The following CATSPERB variants were observed in gnomAD, a reference collection of about 807,000 sequenced individuals.
CATSPERB encodes the protein cation channel sperm-associated auxiliary subunit beta.
In CATSPERB, 93 loss-of-function variants were observed where a neutral mutation model predicts 128.3. That is an observed-to-expected ratio of 0.72 (90% CI 0.61 to 0.86). The LOEUF (loss-of-function observed/expected upper bound fraction) is 0.86. Among genes scored for constraint, CATSPERB ranks in the 40% least tolerant of loss-of-function variants. CATSPERB has a pLI of 0.00. For synonymous variants in CATSPERB, 381 were observed against 448.8 expected (o/e 0.85, Z 1.91); for missense variants, 1,153 against 1,329.5 (o/e 0.87, Z 2.06).
rs117320679 is a variant in CATSPERB at position 91,582,639 on chromosome 14, G to T, written c.3133-1532C>A. On this transcript the variant is annotated intron_variant, in intron 26 of 26. Coordinates refer to ENST00000256343, the MANE Select transcript of CATSPERB (RefSeq NM_024764.4). ...ACACTGCTGTGCCCACCTTTGAGTG[G>T]TACCTTTGCTTTAGCCTTTCTTTGC... Among the ~76,000 whole-genome samples the T allele has an allele frequency of 4.1e-4, 62 of 152,132 alleles. No individual in the cohort carries two copies. In the East Asian group the frequency reaches 0.01, roughly 25 times the overall value.
intron 4 of CATSPERB, among the ~76,000 whole-genome samples, chr14:91,719,887 T>C (rs1419999758): frequency 6.6e-6 from 1 of 152,142 alleles, no homozygotes; most frequent in Non-Finnish European, 1.5e-5. Flanking sequence ...GCAAGAATGG[T>C]AATCTCTGAG....
At chr14:91,599,589 G>A (rs1893575216) in intron 22 of CATSPERB, among the ~76,000 whole-genome samples, 2 of 151,752 alleles carry the variant, frequency 1.3e-5, no homozygotes, top group South Asian at 2.1e-4. Context: ...TGCCAGGGTT[G>A]AGGATGCACC....
intron 22 of CATSPERB, among the ~76,000 whole-genome samples, chr14:91,599,339 C>T (rs1704658): frequency 0.66 from 99,789 of 151,786 alleles, 33,476 homozygotes; most frequent in Admixed American, 0.76. Flanking sequence ...GCGGGCGGAT[C>T]ACGAAGTCAG....
Position 91,580,912 on chromosome 14 carries a change from G to C in CATSPERB, c.3328C>G (p.His1110Asp). 1 of 1,614,070 alleles carries C rather than the reference G, an allele frequency of 6.2e-7. No homozygotes were observed. Among genetic ancestry groups the C allele is most frequent in the Non-Finnish European group, 8.5e-7 (1 of 1,179,924 alleles). ...GTTCACTCTTCAGACTTTGATCTAT[G>C]AATCAGCTCACTGAGAGAGATACTT... is the stretch of plus-strand genomic sequence containing the variant. ...FSSISLSELI[H>D]RSKSEE The change falls in exon 27 of 27, where the codon CAT (histidine) becomes GAT (aspartate). Residue 1110 changes from histidine (H) to aspartate (D), a missense_variant. By Grantham distance (81) the His-to-Asp change is moderately conservative. Transcript: ENST00000256343.
chr14:91,588,081 A>T lies in CATSPERB; in HGVS notation c.2957-3T>A, dbSNP rs777012776. 2.6e-6 allele frequency: 4 copies of T among 1,534,012 alleles called. No individual in the cohort carries two copies. In the East Asian group the frequency reaches 9.0e-5, roughly 35 times the overall value. On this transcript the variant is annotated splice_region_variant and splice_polypyrimidine_tract_variant and intron_variant, in intron 24 of 26. Transcript: ENST00000256343. The stretch of plus-strand genomic sequence containing the variant: ...AATATTTTCTGGCACAGTGTGTTCT[A>T]AAAATACATAAAACATATTTTAAGC...
At chr14:91,607,174 A>G (rs1893726303) in intron 22 of CATSPERB, among the ~76,000 whole-genome samples, 1 of 151,734 alleles carries the variant, frequency 6.6e-6, no homozygotes, top group Non-Finnish European at 1.5e-5. Context: ...CACTGGGGAT[A>G]TAGTAGAGAA....
chr14:91,690,808 G>A (rs977388054), intron 10 of CATSPERB, among the ~76,000 whole-genome samples: 6 of 152,260 alleles, frequency 3.9e-5, no homozygotes, highest in African/African-American at 1.4e-4. Flanking sequence ...TAAAGGTGCA[G>A]GCAGATTCAG....
intron 10 of CATSPERB, 144 bp downstream of exon 10, chr14:91,691,378 TA>T (rs950663261): frequency 2.9e-4 from 108 of 369,458 alleles, no homozygotes; most frequent in East Asian, 7.3e-4. Context: ...TTCATATATA[TA>T]AAAAAATATA....
At chr14:91,674,343 G>A in intron 11 of CATSPERB, 121 bp from the exon 12 acceptor site, 1 of 618,716 alleles carries the variant, frequency 1.6e-6, no homozygotes, top group East Asian at 3.2e-5. Context: ...TAAACTTATG[G>A]TAAATGAAAA....
At chr14:91,663,063 T>C (rs1447637958) in intron 14 of CATSPERB, among the ~76,000 whole-genome samples, 1 of 152,154 alleles carries the variant, frequency 6.6e-6, no homozygotes, top group African/African-American at 2.4e-5. Flanking sequence ...TCTTTCTTTC[T>C]CCTTCCTCCT....
At chr14:91,701,595 G>A (rs140623451) in intron 7 of CATSPERB, among the ~76,000 whole-genome samples, 60 of 152,260 alleles carry the variant, frequency 3.9e-4, no homozygotes, top group Middle Eastern at 3.4e-3. Context: ...TTATGTTCTG[G>A]TAACTGATGG....
chr14:91,594,671 C>T, intron 22 of CATSPERB, among the ~76,000 whole-genome samples: 1 of 151,496 alleles, frequency 6.6e-6, no homozygotes, highest in South Asian at 2.1e-4. Flanking sequence ...TGGGGAGGTC[C>T]CAAAAGCTCA....
At chr14:91,719,264 A>C (rs914225638) in intron 5 of CATSPERB, among the ~76,000 whole-genome samples, 154 bp downstream of exon 5, 2 of 152,214 alleles carry the variant, frequency 1.3e-5, no homozygotes, top group Admixed American at 1.3e-4. Context: ...AATTCAGATA[A>C]ACCACAGATA....
At position 91,617,627 on chromosome 14, in the gene CATSPERB, T is replaced by C; in HGVS notation, c.2370A>G (p.Thr790=). 1 of 1,586,698 alleles carries C rather than the reference T, an allele frequency of 6.3e-7. No individual in the cohort carries two copies. The highest frequency in any genetic ancestry group is 8.5e-7 in the Non-Finnish European group (1 of 1,172,594). The change falls in exon 20 of 27, where the codon ACA becomes ACG. Residue 790 remains threonine, a synonymous_variant. Transcript: ENST00000256343. ...GTAAAACTTTGCTAGCTGCAGAAAT[T>C]GTTATTACATAACTGTCAGTATCAT... The part of the protein sequence containing the change: ...TFDDTDSYVI[T]ISAASKVLHQ...
At chr14:91,719,302 A>T (rs1895991576) in intron 5 of CATSPERB, 116 bp downstream of exon 5, 4 of 660,442 alleles carry the variant, frequency 6.1e-6, no homozygotes, top group Non-Finnish European at 9.6e-6. Flanking sequence ...CCCAAATACC[A>T]CATGGGGGAT....
rs1209688890 is a variant in CATSPERB, at chr14:91,581,044, C to T, written c.3196G>A (p.Val1066Ile). Residue 1066 changes from valine (V) to isoleucine (I), a missense_variant, in exon 27 of 27, where the codon GTA becomes ATA. Transcript: ENST00000256343. ...GHTLIAVATA[V>I]VLGGLIFIAF... ...ATAAAAATTAATCCCCCTAGCACTA[C>T]CGCTGTTGCCACGGCAATAAGCGTG... 1.9e-6 allele frequency: 3 copies of T among 1,614,106 alleles called. No homozygotes were observed. Among genetic ancestry groups the T allele is most frequent in the Non-Finnish European group, 2.5e-6 (3 of 1,180,042 alleles).
chr14:91,710,229 T>G (rs1416495805), intron 5 of CATSPERB: 1 of 152,260 alleles, frequency 6.6e-6, no homozygotes. Flanking sequence ...TTAAAACCTT[T>G]GTTATTTGGG....
chr14:91,584,431 A>G (rs191143374), intron 26 of CATSPERB, among the ~76,000 whole-genome samples: 143 of 152,264 alleles, frequency 9.4e-4, no homozygotes, highest in Non-Finnish European at 1.4e-3. Flanking sequence ...CACTTTCTCT[A>G]TATTTTCTTA....
chr14:91,615,225 C>T (rs923507748), intron 20 of CATSPERB, among the ~76,000 whole-genome samples: 3 of 152,154 alleles, frequency 2.0e-5, no homozygotes, highest in African/African-American at 4.8e-5. Flanking sequence ...CCTGTCACAT[C>T]GGCGGCAGCA....
Sources: allele counts gnomAD v4.1 joint callset (sites outside exome capture counted in the v4.1 genomes callset), GRCh38; gene constraint gnomAD v4.1.1; transcripts MANE v1.5; gene names NCBI Gene and HGNC (gene_info 2026-07-23, HGNC 2026-07-21).